Variants in PACRG observed in about 807,000 individuals in gnomAD.
PACRG encodes parkin coregulated.
PACRG carries 29 observed loss-of-function variants against 29.7 expected under a neutral mutation model. The ratio of observed to expected loss-of-function variants is 0.98; its 90% CI spans 0.73 to 1.33. The LOEUF (loss-of-function observed/expected upper bound fraction) is 1.33. Among genes scored for constraint, PACRG ranks in the 40% most tolerant of loss-of-function variants. The probability of loss-of-function intolerance (pLI) is 0.00; values close to 1 mark genes in which losing one functional copy is unlikely to be tolerated. For missense variants in PACRG, 279 were observed against 316.2 expected, an observed-to-expected ratio of 0.88 and a Z score of 0.89; for synonymous variants, 116 against 118.7, an observed-to-expected ratio of 0.98 and a Z score of 0.15.
At chr6:163,054,867 T>A (rs1330128548) in intron 2 of PACRG, among the ~76,000 whole-genome samples, 1 of 151,998 alleles carries the variant, frequency 6.6e-6, no homozygotes, top group Admixed American at 6.6e-5. Flanking sequence ...ATGGAGAGGG[T>A]GGACCTTCTC....
chr6:163,132,464 T>C lies in PACRG; in HGVS notation c.613+43056T>C, dbSNP rs77598555. On this transcript the variant is annotated intron_variant, in intron 4 of 4. Coordinates refer to ENST00000366888, the MANE Select transcript of PACRG (RefSeq NM_001080379.2). ...TGATTCCCAACTTCTACTTGAAATA[T>C]GACACCCAGAATGTGATTCTTTCTA... 1.0e-2 allele frequency among the ~76,000 whole-genome samples: 1,523 copies of C among 152,312 alleles called. 25 individuals carry two copies. The highest frequency in any genetic ancestry group is 0.035 in the African/African-American group (1,462 of 41,564).
intron 2 of PACRG, among the ~76,000 whole-genome samples, chr6:163,026,379 T>C (rs1481842735): frequency 6.6e-6 from 1 of 152,234 alleles, no homozygotes; most frequent in Non-Finnish European, 1.5e-5. Flanking sequence ...TAACTATGAC[T>C]ATTGAATATA....
At chr6:163,194,468 G>T (rs1292291568) in intron 4 of PACRG, among the ~76,000 whole-genome samples, 1 of 151,710 alleles carries the variant, frequency 6.6e-6, no homozygotes, top group Admixed American at 6.6e-5. Flanking sequence ...CCCAAGGCAG[G>T]AAACCCCGGC....
chr6:163,177,158 C>T (rs1402661624), intron 4 of PACRG, among the ~76,000 whole-genome samples: 1 of 152,126 alleles, frequency 6.6e-6, no homozygotes, highest in Non-Finnish European at 1.5e-5. Flanking sequence ...AACAGACGCC[C>T]CAAGGCACAC....
At chr6:163,001,814 A>C (rs993933704) in intron 2 of PACRG, among the ~76,000 whole-genome samples, 2 of 152,212 alleles carry the variant, frequency 1.3e-5, no homozygotes, top group Non-Finnish European at 2.9e-5. Flanking sequence ...TTTTTATACA[A>C]GGTAATTAAA....
chr6:163,301,865 G>A (rs1408934893), intron 4 of PACRG, among the ~76,000 whole-genome samples: 1 of 152,146 alleles, frequency 6.6e-6, no homozygotes, highest in Non-Finnish European at 1.5e-5. Flanking sequence ...CCTTACAGAT[G>A]GATATTATTT....
chr6:162,786,445 G>A (rs1216859948), intron 1 of PACRG, among the ~76,000 whole-genome samples: 3 of 152,176 alleles, frequency 2.0e-5, no homozygotes, highest in Admixed American at 6.5e-5. Context: ...GTAGCCAATA[G>A]AACATGTGTG....
chr6:163,023,523 C>T (rs1806838907), intron 2 of PACRG, among the ~76,000 whole-genome samples: 2 of 152,288 alleles, frequency 1.3e-5, no homozygotes, highest in South Asian at 4.1e-4. Context: ...GTGAATAGTG[C>T]AGTGATGAGT....
At chr6:162,861,991 T>A (rs1791899741) in intron 2 of PACRG, among the ~76,000 whole-genome samples, 1 of 152,168 alleles carries the variant, frequency 6.6e-6, no homozygotes, top group African/African-American at 2.4e-5. Context: ...AGCATTTTTG[T>A]ATCCACTAAG....
At chr6:162,856,590 G>A (rs1045682359) in intron 2 of PACRG, among the ~76,000 whole-genome samples, 20 of 108,888 alleles carry the variant, frequency 1.8e-4, no homozygotes, top group Admixed American at 1.7e-3. Flanking sequence ...GGCACGTCTC[G>A]AAGAAAAAAA....
chr6:163,142,318 C>G (rs923671315), intron 4 of PACRG, among the ~76,000 whole-genome samples: 4 of 151,822 alleles, frequency 2.6e-5, no homozygotes, highest in African/African-American at 9.7e-5. Flanking sequence ...AGAATGAGCA[C>G]AAGAAAAAAG....
intron 2 of PACRG, among the ~76,000 whole-genome samples, chr6:162,864,193 C>A (rs1428122078): frequency 6.6e-6 from 1 of 151,988 alleles, no homozygotes; most frequent in Non-Finnish European, 1.5e-5. Context: ...AAGGCTTTGC[C>A]CATGCTGCTT....
At chr6:163,054,967 T>C (rs1810423841) in intron 2 of PACRG, among the ~76,000 whole-genome samples, 1 of 152,150 alleles carries the variant, frequency 6.6e-6, no homozygotes, top group Non-Finnish European at 1.5e-5. Flanking sequence ...GACCTGCCAG[T>C]GTTGGGGGTA....
chr6:162,844,188 T>TC (rs1790109174), intron 2 of PACRG, among the ~76,000 whole-genome samples: 1 of 149,020 alleles, frequency 6.7e-6, no homozygotes, highest in Non-Finnish European at 1.5e-5. Flanking sequence ...CGGGCGCCCC[T>TC]CCCCCAGCCT....
At chr6:163,285,350 G>A (rs1221841375) in intron 4 of PACRG, among the ~76,000 whole-genome samples, 1 of 151,884 alleles carries the variant, frequency 6.6e-6, no homozygotes, top group Non-Finnish European at 1.5e-5. Context: ...TCCCCACTCG[G>A]GCAGCACCCC....
chr6:163,104,167 A>G (rs536755477), intron 4 of PACRG, among the ~76,000 whole-genome samples: 3 of 152,336 alleles, frequency 2.0e-5, no homozygotes, highest in Admixed American at 6.5e-5. Context: ...CATATCATCA[A>G]TTTCTATTGT....
chr6:163,176,023 C>G (rs986944978), intron 4 of PACRG, among the ~76,000 whole-genome samples: 3 of 152,114 alleles, frequency 2.0e-5, no homozygotes, highest in Non-Finnish European at 4.4e-5. Context: ...ATTTGGGCTT[C>G]TAGTCAAAGT....
At position 163,267,394 on chromosome 6, in the gene PACRG, A is replaced by G. The variant is rs367600136; in HGVS notation, c.614-47433A>G. Among the ~76,000 whole-genome samples the G allele has an allele frequency of 9.2e-5, 14 of 152,354 alleles. No individual in the cohort carries two copies. The East Asian group carries it at 1.3e-3, about 15-fold the overall frequency. The stretch of plus-strand genomic sequence containing the variant: ...TAGTCAAGAAATGAGCCAACGTACA[A>G]GAACAGAAGGCAGCCTGCTTCTAAG... On this transcript the variant is annotated intron_variant, in intron 4 of 4. Transcript: ENST00000366888.
chr6:163,100,270 G>A (rs1241749630), intron 4 of PACRG, among the ~76,000 whole-genome samples: 1 of 152,098 alleles, frequency 6.6e-6, no homozygotes, highest in Non-Finnish European at 1.5e-5. Flanking sequence ...CATCACGCAG[G>A]GTCAAAAATG....
Sources: allele counts gnomAD v4.1 joint callset (sites outside exome capture counted in the v4.1 genomes callset), GRCh38; gene constraint gnomAD v4.1.1; transcripts MANE v1.5; gene names NCBI Gene and HGNC (gene_info 2026-07-23, HGNC 2026-07-21).